ARAF: variants seen among roughly 807,000 people sequenced by gnomAD.
ARAF encodes A-Raf proto-oncogene, serine/threonine kinase, also known as serine/threonine-protein kinase A-Raf.
ARAF carries 18 observed loss-of-function variants against 48.0 expected under a neutral mutation model. The ratio of observed to expected loss-of-function variants is 0.37; its 90% CI spans 0.26 to 0.56. The LOEUF (loss-of-function observed/expected upper bound fraction) is 0.56, where lower values mean the gene tolerates loss of function less well. Among genes scored for constraint, ARAF ranks in the 20% least tolerant of loss-of-function variants. The pLI, the probability that ARAF is intolerant of heterozygous loss-of-function variation, is 0.77. For missense variants in ARAF, 389 were observed against 543.1 expected (o/e 0.72, Z 2.82); for synonymous variants, 207 against 220.1 (o/e 0.94, Z 0.53).
In ARAF at chrX:47,568,763, CCGG is replaced by C. The variant is rs759903646; in HGVS notation, c.1124_1126del (p.Arg375del). 4 of 1,211,605 alleles carry C rather than the reference CCGG, an allele frequency of 3.3e-6. No individual in the cohort carries two copies. Among genetic ancestry groups the C allele is most frequent in the Non-Finnish European group, 4.5e-6 (4 of 895,387 alleles). On this transcript the variant is annotated inframe_deletion, in exon 11 of 16. Transcript: ENST00000377045. ...TCTTGCTGTTTATGGGCTTCATGAC[CCGG>C]CCGGGATTTGCCATCATCACACAGT... is the stretch of plus-strand genomic sequence containing the variant.
chrX:47,566,674 C>A lies in ARAF; in HGVS notation c.593C>A (p.Pro198His). ...RTQHCDPEHF[P>H]FPAPANAPLQ... is the part of the protein sequence containing the mutation. Reference sequence around the variant, plus strand: ...CAGCACTGTGACCCGGAGCACTTCCCCTTCCCTGCCCCAGCCAATGCCCCC... The same window carrying A: ...CAGCACTGTGACCCGGAGCACTTCCACTTCCCTGCCCCAGCCAATGCCCCC... Residue 198 changes from proline to histidine, a missense_variant, in exon 7 of 16, where the codon CCC becomes CAC. Around this residue, in one of 4 missense-constraint regions of ARAF, gnomAD observed 154 missense variants for 133.6 expected, o/e 1.15. Coordinates refer to ENST00000377045, the MANE Select transcript of ARAF (RefSeq NM_001654.5). 8.4e-7 allele frequency: 1 copy of A among 1,186,981 alleles called. No individual in the cohort carries two copies. Among genetic ancestry groups the A allele is most frequent in the South Asian group, 1.9e-5 (1 of 52,815 alleles).
intron 13 of ARAF, 84 bp from the exon 14 acceptor site, chrX:47,569,809 C>T: frequency 8.7e-7 from 1 of 1,151,528 alleles, no homozygotes; most frequent in Non-Finnish European, 1.2e-6. Flanking sequence ...TGAGTTGTAC[C>T]CTGTGTGGCC....
intron 10 of ARAF, 47 bp from the exon 11 acceptor site, chrX:47,568,671 T>C: frequency 8.5e-7 from 1 of 1,171,955 alleles, no homozygotes; most frequent in Non-Finnish European, 1.2e-6. Context: ...TAAGTGACAG[T>C]TGCTATTTTT....
intron 12 of ARAF, 150 bp from the exon 13 acceptor site, chrX:47,569,389 C>T (rs977830474): frequency 2.3e-5 from 12 of 514,539 alleles, no homozygotes; most frequent in East Asian, 3.7e-5. Context: ...TCCCTGCCCA[C>T]GTCAAGGTTG....
intron 15 of ARAF, 97 bp downstream of exon 15, chrX:47,571,109 TAG>T (rs2057754245): frequency 2.1e-6 from 2 of 963,230 alleles, no homozygotes; most frequent in South Asian, 4.7e-5. Context: ...CTCAGAGGTA[TAG>T]TGTGTGTGTG....
Position 47,563,524 on chromosome X carries a change from A to G in ARAF, c.200+195A>G, listed in dbSNP as rs148135033. Among the ~76,000 whole-genome samples the G allele has an allele frequency of 3.8e-3, 425 of 111,964 alleles. 3 individuals are homozygous for G. The highest frequency in any genetic ancestry group is 0.013 in the African/African-American group (400 of 30,800). ...GAAACCATAGATAGTACCGAACCCAATTGCTATCAGTCGGAACATGTTTCT... is the reference window on the plus strand; with the variant it reads ...GAAACCATAGATAGTACCGAACCCAGTTGCTATCAGTCGGAACATGTTTCT... On this transcript the variant is annotated intron_variant, in intron 3 of 15. Transcript: ENST00000377045.
rs2057748452 is a variant in ARAF at position 47,569,961 on chromosome X, G to T, written c.1488G>T (p.Gly496=). The change falls in exon 14 of 16, where the codon GGG becomes GGT. Residue 496 remains glycine, a synonymous_variant. Coordinates refer to ENST00000377045, the MANE Select transcript of ARAF (RefSeq NM_001654.5). The stretch of plus-strand genomic sequence containing the variant: ...TCCAGTCAGACGTCTATGCCTACGG[G>T]GTTGTGCTCTACGAGCTTATGACTG... ...YSFQSDVYAY[G]VVLYELMTGS... 8.3e-7 allele frequency: 1 copy of T among 1,203,338 alleles called. No homozygotes were observed. The highest frequency in any genetic ancestry group is 1.8e-5 in the African/African-American group (1 of 56,562).
chrX:47,563,453 C>T, intron 3 of ARAF, 124 bp downstream of exon 3: 1 of 552,606 alleles, frequency 1.8e-6, no homozygotes. Flanking sequence ...TCTTTAGTCC[C>T]CCCTTATCTG....
In ARAF at chrX:47,565,410, A is replaced by C; in HGVS notation, c.557+60A>C. On this transcript the variant is annotated intron_variant, in intron 6 of 15. Transcript: ENST00000377045. Reference sequence around the variant, plus strand: ...GAAAAAGATCTTGGGGCTCTTGTAGACCACGAGCCATACTTTATTCATTTG... The same window carrying C: ...GAAAAAGATCTTGGGGCTCTTGTAGCCCACGAGCCATACTTTATTCATTTG... The C allele has an allele frequency of 2.2e-5, 25 of 1,154,857 alleles. No individual in the cohort carries two copies. In the East Asian group the frequency reaches 2.2e-4, roughly 10 times the overall value.
intron 1 of ARAF, among the ~76,000 whole-genome samples, chrX:47,562,364 A>G (rs758729232): frequency 9.2e-6 from 1 of 109,195 alleles, no homozygotes; most frequent in South Asian, 4.0e-4. Context: ...ACACGCCTGT[A>G]GTTCCAGCTA....
chrX:47,567,283 G>A lies in ARAF; in HGVS notation c.927G>A (p.Glu309=), dbSNP rs1177553817. Residue 309 remains glutamate (E), a synonymous_variant, in exon 10 of 16, where the codon GAG becomes GAA. Transcript: ENST00000377045. ...ATTACTGGGAGGTACCACCCAGTGA[G>A]GTGCAGCTGCTGAAGAGGATCGGGA... ...SGYYWEVPPS[E]VQLLKRIGTG... 1.7e-6 allele frequency: 2 copies of A among 1,211,835 alleles called. No individual in the cohort carries two copies. The highest frequency in any genetic ancestry group is 2.2e-6 in the Non-Finnish European group (2 of 895,500).
At chrX:47,564,769 C>T (rs751815158) in intron 3 of ARAF, 28 bp from the exon 4 acceptor site, 3 of 1,151,778 alleles carry the variant, frequency 2.6e-6, no homozygotes, top group East Asian at 3.2e-5. Flanking sequence ...CCCAACCTCC[C>T]ACTCATTCCT....
intron 10 of ARAF, among the ~76,000 whole-genome samples, chrX:47,567,798 T>C (rs1569320504): frequency 9.0e-6 from 1 of 110,990 alleles, no homozygotes; most frequent in Non-Finnish European, 1.9e-5. Flanking sequence ...GGTAATGTTC[T>C]GTTTATAGTG....
rs2147906473 is a variant in ARAF at position 47,567,002 on chromosome X, A to G, written c.744A>G (p.Gly248=). The G allele has an allele frequency of 3.3e-6, 4 of 1,211,339 alleles. No homozygotes were observed. The South Asian group carries it at 7.0e-5, about 21-fold the overall frequency. ...CAACTGCAGCTGCCGGTAGTAGAGG[A>G]GGTAGTGATGGAACCCCCCGGGGGA... is the stretch of plus-strand genomic sequence containing the variant. ...SFSTDAAGSR[G]GSDGTPRGSP... The change falls in exon 9 of 16, where the codon GGA becomes GGG. Residue 248 remains glycine (G), a synonymous_variant. Transcript: ENST00000377045.
rs1603049040 is a variant in ARAF at position 47,571,837 on chromosome X, C to A, written c.*380C>A. ...GCACCCCATGTGGATTTTGGGGGGT[C>A]CCTTTTGTGTCTCCCCCGCCATTCA... On this transcript the variant is annotated 3_prime_UTR_variant, in exon 16 of 16. Coordinates refer to ENST00000377045, the MANE Select transcript of ARAF (RefSeq NM_001654.5). 4.9e-6 allele frequency: 1 copy of A among 203,135 alleles called. No individual in the cohort carries two copies. Among genetic ancestry groups the A allele is most frequent in the South Asian group, 2.0e-4 (1 of 5,124 alleles). 16.7% of individuals were successfully genotyped at this position (203,135 alleles called of 1,213,427 possible). A position where few individuals can be genotyped will look rare whatever the true frequency, so the allele number is the denominator to read the frequency against.
chrX:47,563,699 ATTCT>A (rs1308323425), intron 3 of ARAF, among the ~76,000 whole-genome samples: 3 of 112,376 alleles, frequency 2.7e-5, no homozygotes, highest in Non-Finnish European at 5.6e-5. Flanking sequence ...AAGATGGAAG[ATTCT>A]TTCTTACAGT....
Position 47,567,017 on chromosome X carries a change from C to T in ARAF, c.759C>T (p.Thr253=), listed in dbSNP as rs780115698. ...AAGSRGGSDG[T]PRGSPSPASV... is the part of the protein sequence containing the mutation. ...GTAGTAGAGGAGGTAGTGATGGAAC[C>T]CCCCGGGGGAGCCCCAGCCCAGCCA... The change falls in exon 9 of 16, where the codon ACC becomes ACT. Residue 253 remains threonine (T), a synonymous_variant. Coordinates refer to ENST00000377045, the MANE Select transcript of ARAF (RefSeq NM_001654.5). The T allele has an allele frequency of 2.5e-6, 3 of 1,211,535 alleles. No individual in the cohort carries two copies. The South Asian group carries it at 5.3e-5, about 21-fold the overall frequency.
chrX:47,563,214 A>G lies in ARAF; in HGVS notation c.97-12A>G, dbSNP rs750670489. The G allele has an allele frequency of 8.3e-7, 1 of 1,204,764 alleles. No homozygotes were observed. Among genetic ancestry groups the G allele is most frequent in the East Asian group, 3.0e-5 (1 of 33,782 alleles). ...GGGCATTGAGGACCCCTACATCTGC[A>G]CATACACACAGGTGACTGTCCGGGA... On this transcript the variant is annotated splice_polypyrimidine_tract_variant and intron_variant, in intron 2 of 15. Transcript: ENST00000377045.
rs760524207 is a variant in ARAF at position 47,568,620 on chromosome X, G to A, written c.1077-98G>A. The A allele has an allele frequency of 5.5e-6, 5 of 915,902 alleles. No homozygotes were observed. The South Asian group carries it at 1.2e-4, about 22-fold the overall frequency. The allele number at this position is 915,902 out of a possible 1,213,427, so 75.5% of individuals were successfully genotyped here. A position where few individuals can be genotyped will look rare whatever the true frequency, so the allele number is the denominator to read the frequency against. On this transcript the variant is annotated intron_variant, in intron 10 of 15. Transcript: ENST00000377045. ...CCCAAAAGACAGGGTGAAAATAAATGACCGAGGAAGGTAAAGAACAGTGCC... is the reference window on the plus strand; with the variant it reads ...CCCAAAAGACAGGGTGAAAATAAATAACCGAGGAAGGTAAAGAACAGTGCC...
Sources: allele counts gnomAD v4.1 joint callset (sites outside exome capture counted in the v4.1 genomes callset), GRCh38; gene constraint gnomAD v4.1.1; regional missense constraint gnomAD v4.1.1; transcripts MANE v1.5; gene names NCBI Gene and HGNC (gene_info 2026-07-23, HGNC 2026-07-21).